Variants in TRPM3 observed in about 807,000 individuals in gnomAD.
The protein encoded by TRPM3 is transient receptor potential cation channel subfamily M member 3.
TRPM3 carries 77 observed loss-of-function variants against 181.2 expected under a neutral mutation model. The observed-to-expected ratio is 0.42, with a 90% confidence interval of 0.35 to 0.51. TRPM3 has a LOEUF of 0.51. Among genes scored for constraint, TRPM3 ranks in the 20% least tolerant of loss-of-function variants. The pLI is 0.01. For missense variants in TRPM3, 1,759 were observed against 2,196.7 expected (o/e 0.80, Z 3.98); for synonymous variants, 745 against 796.4 (o/e 0.94, Z 1.09).
Position 70,603,400 on chromosome 9 carries a change from G to T in TRPM3, c.2738C>A (p.Thr913Asn). ...VLVKMERWPS[T>N]QEWIVISYIF... is the part of the protein sequence containing the mutation. Reference sequence around the variant, plus strand: ...ATAGGAGATTACGATCCATTCCTGGGTGGACGGCCAGCGTTCCATCTTCAC... The same window carrying T: ...ATAGGAGATTACGATCCATTCCTGGTTGGACGGCCAGCGTTCCATCTTCAC... Residue 913 changes from threonine to asparagine, a missense_variant, in exon 20 of 26, where the codon ACC (threonine) becomes AAC (asparagine). Physicochemically the swap from Thr to Asn is moderately conservative, Grantham distance 65 (BLOSUM62 0). This residue lies in a region of TRPM3 where 100 missense variants were observed against 123.0 expected (regional missense o/e 0.81). Coordinates refer to ENST00000677713, the MANE Select transcript of TRPM3 (RefSeq NM_001366145.2). 1.2e-6 allele frequency: 2 copies of T among 1,614,028 alleles called. No individual in the cohort carries two copies. Among genetic ancestry groups the T allele is most frequent in the South Asian group, 2.2e-5 (2 of 91,076 alleles).
chr9:70,672,432 C>CAT (rs1199654804), intron 9 of TRPM3, among the ~76,000 whole-genome samples: 1 of 152,190 alleles, frequency 6.6e-6, no homozygotes, highest in African/African-American at 2.4e-5. Context: ...ACTCTGATGA[C>CAT]ATCATTTGAG....
At chr9:70,752,016 G>GTT (rs2076229910) in intron 8 of TRPM3, among the ~76,000 whole-genome samples, 1 of 116,132 alleles carries the variant, frequency 8.6e-6, no homozygotes, top group Non-Finnish European at 1.8e-5. Flanking sequence ...GTGTGTGTGT[G>GTT]TGTGTGTGTG....
At chr9:71,049,536 T>C (rs1195197116) in intron 1 of TRPM3, among the ~76,000 whole-genome samples, 1 of 152,064 alleles carries the variant, frequency 6.6e-6, no homozygotes, top group Non-Finnish European at 1.5e-5. Flanking sequence ...ATTAACCAAG[T>C]TCATGAGAGG....
chr9:70,590,898 A>T, intron 22 of TRPM3, 133 bp downstream of exon 22: 1 of 1,253,602 alleles, frequency 8.0e-7, no homozygotes, highest in East Asian at 2.4e-5. Context: ...TGTTTCCTCC[A>T]AGATAGCAAG....
chr9:71,373,950 G>A (rs554961139), intron 1 of TRPM3, among the ~76,000 whole-genome samples: 15 of 152,332 alleles, frequency 9.8e-5, no homozygotes, highest in South Asian at 6.2e-4. Flanking sequence ...CTTGAAATCC[G>A]TGATGTAAGG....
chr9:70,600,942 G>T (rs1472674743), intron 20 of TRPM3, among the ~76,000 whole-genome samples: 1 of 152,124 alleles, frequency 6.6e-6, no homozygotes, highest in Non-Finnish European at 1.5e-5. Context: ...AGAACAGTCC[G>T]GGGTGAGGCA....
chr9:71,249,951 T>A (rs2082247517), intron 1 of TRPM3, among the ~76,000 whole-genome samples: 1 of 152,228 alleles, frequency 6.6e-6, no homozygotes, highest in Admixed American at 6.5e-5. Flanking sequence ...GGTGGTCAAT[T>A]GTGAGAATCA....
chr9:71,417,990 A>G (rs1453849070), intron 1 of TRPM3, among the ~76,000 whole-genome samples: 1 of 151,974 alleles, frequency 6.6e-6, no homozygotes, highest in Non-Finnish European at 1.5e-5. Context: ...TTTGGTGAGA[A>G]GGACATGAAA....
chr9:71,423,156 G>A (rs1195105859), intron 1 of TRPM3, among the ~76,000 whole-genome samples: 2 of 151,976 alleles, frequency 1.3e-5, no homozygotes, highest in Admixed American at 6.6e-5. Flanking sequence ...TTCCTGCTGT[G>A]AGCAAGTTGC....
intron 6 of TRPM3, among the ~76,000 whole-genome samples, chr9:70,804,400 T>G (rs1040638913): frequency 6.6e-6 from 1 of 152,246 alleles, no homozygotes; most frequent in Non-Finnish European, 1.5e-5. Flanking sequence ...GTAAGTAGAC[T>G]TATAAACCAC....
intron 1 of TRPM3, among the ~76,000 whole-genome samples, chr9:71,277,125 AG>A (rs1347426292): frequency 7.0e-6 from 1 of 143,558 alleles, no homozygotes; most frequent in African/African-American, 2.5e-5. Context: ...ATTCCAAAAA[AG>A]CTTATTTTTT....
At chr9:71,442,339 CT>C (rs1268603804) in intron 1 of TRPM3, among the ~76,000 whole-genome samples, 1 of 152,076 alleles carries the variant, frequency 6.6e-6, no homozygotes, top group Non-Finnish European at 1.5e-5. Context: ...TCTTTTTTTC[CT>C]TTTACAGAGT....
At chr9:70,607,840 G>A (rs1168450739) in intron 19 of TRPM3, among the ~76,000 whole-genome samples, 1 of 152,126 alleles carries the variant, frequency 6.6e-6, no homozygotes, top group Non-Finnish European at 1.5e-5. Context: ...AACTTTTAAG[G>A]CTTTGTAGAA....
chr9:70,771,561 G>A (rs559928250), intron 7 of TRPM3, among the ~76,000 whole-genome samples: 5 of 152,260 alleles, frequency 3.3e-5, no homozygotes, highest in African/African-American at 1.2e-4. Flanking sequence ...ATATCAAAAA[G>A]GAAACTGAAG....
At chr9:70,776,024 T>A (rs560289531) in intron 7 of TRPM3, 199 of 160,046 alleles carry the variant, frequency 1.2e-3, no homozygotes, top group African/African-American at 4.6e-3. Flanking sequence ...TTGACTATAG[T>A]CCCCATGATG....
At chr9:70,958,178 T>A (rs2133787719) in intron 1 of TRPM3, among the ~76,000 whole-genome samples, 1 of 152,248 alleles carries the variant, frequency 6.6e-6, no homozygotes, top group East Asian at 1.9e-4. Flanking sequence ...CCCCTTTCCA[T>A]TCTATACCCC....
At chr9:70,797,531 C>T (rs2087475915) in intron 6 of TRPM3, among the ~76,000 whole-genome samples, 1 of 152,206 alleles carries the variant, frequency 6.6e-6, no homozygotes, top group African/African-American at 2.4e-5. Flanking sequence ...CCATCTCTTC[C>T]AGAGCTCTCT....
chr9:70,536,733 A>G lies in TRPM3; in HGVS notation c.4380T>C (p.Leu1460=), dbSNP rs1449123258. 19 of 1,614,164 alleles carry G rather than the reference A, an allele frequency of 1.2e-5. No individual in the cohort carries two copies. In the East Asian group the frequency reaches 4.2e-4, roughly 36 times the overall value. ...TAPSSSAYAT[L]APTDRPPSRS... Reference sequence around the variant, plus strand: ...GGCTTGGAGGTCTGTCTGTGGGTGCAAGTGTTGCATAGGCACTACTTGAAG... The same window carrying G: ...GGCTTGGAGGTCTGTCTGTGGGTGCGAGTGTTGCATAGGCACTACTTGAAG... Residue 1460 remains leucine, a synonymous_variant, in exon 26 of 26, where the codon CTT becomes CTC. Coordinates refer to ENST00000677713, the MANE Select transcript of TRPM3 (RefSeq NM_001366145.2).
intron 5 of TRPM3, among the ~76,000 whole-genome samples, chr9:70,836,054 T>C (rs1267884572): frequency 1.3e-5 from 2 of 152,212 alleles, no homozygotes; most frequent in Non-Finnish European, 2.9e-5. Context: ...ATTATTTTAG[T>C]TGTTGTTGGG....
Sources: allele counts gnomAD v4.1 joint callset (sites outside exome capture counted in the v4.1 genomes callset), GRCh38; gene constraint gnomAD v4.1.1; regional missense constraint gnomAD v4.1.1; transcripts MANE v1.5; gene names NCBI Gene and HGNC (gene_info 2026-07-23, HGNC 2026-07-21).